Variants in QTMAN observed in about 807,000 individuals in gnomAD.
QTMAN encodes tRNA-queuosine alpha-mannosyltransferase.
chr2:144,141,768 C>CT, the QTMAN span: 5 of 725,134 alleles, frequency 6.9e-6, no homozygotes, highest in Admixed American at 1.2e-4. Flanking sequence ...ACTTAATTCT[C>CT]TAACTAACCA....
the QTMAN span, among the ~76,000 whole-genome samples, chr2:144,092,592 AG>A: frequency 4.6e-5 from 7 of 152,212 alleles, no homozygotes; most frequent in African/African-American, 1.7e-4. Context: ...CAAAAGCAAT[AG>A]TTTTAGTCAT....
chr2:143,945,695 T>C, the QTMAN span: 3 of 152,242 alleles, frequency 2.0e-5, no homozygotes. Context: ...TCTAGCCACC[T>C]TTCCCAGGCT....
At chr2:143,938,917 C>T in the QTMAN span, 1 of 152,242 alleles carries the variant, frequency 6.6e-6, no homozygotes, top group Non-Finnish European at 1.5e-5. Flanking sequence ...CAGGTATACA[C>T]AGGGTAAGAA....
At chr2:144,124,858 T>C in the QTMAN span, among the ~76,000 whole-genome samples, 1 of 152,138 alleles carries the variant, frequency 6.6e-6, no homozygotes, top group African/African-American at 2.4e-5. Context: ...GTTATATCTT[T>C]TTATCTCTAA....
the QTMAN span, among the ~76,000 whole-genome samples, chr2:144,116,241 G>A: frequency 7.7e-6 from 1 of 130,036 alleles, no homozygotes; most frequent in Non-Finnish European, 1.6e-5. Context: ...AGCAAGTAAG[G>A]CAAACTGTGA....
chr2:144,242,782 C>T, the QTMAN span, among the ~76,000 whole-genome samples: 1 of 151,564 alleles, frequency 6.6e-6, no homozygotes, highest in African/African-American at 2.4e-5. Flanking sequence ...GCCAAGATGG[C>T]AAAACCCCGT....
the QTMAN span, among the ~76,000 whole-genome samples, chr2:144,096,459 T>C: frequency 6.6e-6 from 1 of 152,232 alleles, no homozygotes; most frequent in African/African-American, 2.4e-5. Context: ...TGTAGAACAA[T>C]TGAGGCATTA....
At chr2:144,262,280 G>A in the QTMAN span, among the ~76,000 whole-genome samples, 1 of 152,112 alleles carries the variant, frequency 6.6e-6, no homozygotes, top group Non-Finnish European at 1.5e-5. Flanking sequence ...GTCCAGTGTA[G>A]TACCTGCTAT....
the QTMAN span, among the ~76,000 whole-genome samples, chr2:144,162,788 G>A: frequency 1.3e-5 from 2 of 152,114 alleles, no homozygotes; most frequent in South Asian, 4.1e-4. Flanking sequence ...TCACATCAAC[G>A]AGCAGGTGTG....
At chr2:144,139,393 A>G in the QTMAN span, among the ~76,000 whole-genome samples, 1 of 152,048 alleles carries the variant, frequency 6.6e-6, no homozygotes, top group South Asian at 2.1e-4. Context: ...CTGTATGCTA[A>G]GCACTATCCT....
the QTMAN span, among the ~76,000 whole-genome samples, chr2:144,087,871 C>A: frequency 6.6e-6 from 1 of 152,006 alleles, no homozygotes; most frequent in Non-Finnish European, 1.5e-5. Flanking sequence ...TGAAAGAAAG[C>A]CTTTCCTTTA....
the QTMAN span, among the ~76,000 whole-genome samples, chr2:144,028,477 G>A: frequency 2.0e-5 from 3 of 152,084 alleles, no homozygotes; most frequent in African/African-American, 7.2e-5. Context: ...TAAAGTTACA[G>A]TCACATTAAA....
the QTMAN span, among the ~76,000 whole-genome samples, chr2:144,096,246 G>A: frequency 6.6e-6 from 1 of 152,138 alleles, no homozygotes; most frequent in Non-Finnish European, 1.5e-5. Flanking sequence ...GAAAGTACTT[G>A]TACTAAGCAC....
chr2:144,331,675 C>T, the QTMAN span, among the ~76,000 whole-genome samples: 3 of 152,128 alleles, frequency 2.0e-5, no homozygotes, highest in East Asian at 1.9e-4. Flanking sequence ...TACTTCGGGA[C>T]TAAAGGTTAA....
the QTMAN span, among the ~76,000 whole-genome samples, chr2:144,287,745 C>CT: frequency 6.6e-6 from 1 of 152,114 alleles, no homozygotes; most frequent in African/African-American, 2.4e-5. Flanking sequence ...TTCCTATATT[C>CT]TCCTTAACTT....
the QTMAN span, among the ~76,000 whole-genome samples, chr2:144,096,252 A>T: frequency 6.6e-6 from 1 of 152,368 alleles, no homozygotes; most frequent in East Asian, 1.9e-4. Flanking sequence ...ACTTGTACTA[A>T]GCACACTGAA....
the QTMAN span, among the ~76,000 whole-genome samples, chr2:144,310,289 G>T: frequency 1.3e-5 from 2 of 152,162 alleles, no homozygotes; most frequent in Non-Finnish European, 1.5e-5. Context: ...GGAATGGGGG[G>T]TAGTAAATGG....
At chr2:144,182,004 G>A in the QTMAN span, among the ~76,000 whole-genome samples, 1 of 151,944 alleles carries the variant, frequency 6.6e-6, no homozygotes, top group Non-Finnish European at 1.5e-5. Flanking sequence ...ATCTCCCATG[G>A]CAGATAAGCT....
chr2:144,154,239 G>A, the QTMAN span, among the ~76,000 whole-genome samples: 6 of 152,182 alleles, frequency 3.9e-5, no homozygotes, highest in Non-Finnish European at 5.9e-5. Context: ...TTGTGGAGAG[G>A]TAATGACCAT....
Sources: gnomAD v4.1 joint callset for allele counts (sites outside exome capture counted in the v4.1 genomes callset) on GRCh38, gnomAD v4.1.1 for gene constraint, MANE v1.5 for transcripts, NCBI Gene and HGNC (gene_info 2026-07-23, HGNC 2026-07-21) for gene names.